The following PLOD2 variants were observed in gnomAD, a reference collection of about 807,000 sequenced individuals.
PLOD2 encodes lysine hydroxylase 2.
In PLOD2, 65 loss-of-function variants were observed where a neutral mutation model predicts 101.0. The ratio of observed to expected loss-of-function variants is 0.64; its 90% CI spans 0.53 to 0.79. The LOEUF is 0.79. Among genes scored for constraint, PLOD2 ranks in the 30% least tolerant of loss-of-function variants. The pLI is 0.00. For missense variants in PLOD2, 909 were observed against 914.6 expected, an observed-to-expected ratio of 0.99 and a Z score of 0.08; for synonymous variants, 314 against 302.9, an observed-to-expected ratio of 1.04 and a Z score of -0.38.
At chr3:146,131,848 G>A (rs1168889652) in intron 1 of PLOD2, among the ~76,000 whole-genome samples, 1 of 151,794 alleles carries the variant, frequency 6.6e-6, no homozygotes, top group East Asian at 1.9e-4. Flanking sequence ...TTGTTGAAGA[G>A]AATTAATTTT....
intron 3 of PLOD2, among the ~76,000 whole-genome samples, chr3:146,113,211 CAA>C (rs1457214872): frequency 1.3e-5 from 2 of 152,128 alleles, no homozygotes; most frequent in Non-Finnish European, 2.9e-5. Flanking sequence ...AAAGTTAAGA[CAA>C]AAGTTATCAC....
chr3:146,103,315 A>G (rs886071189), intron 6 of PLOD2, among the ~76,000 whole-genome samples: 1 of 152,224 alleles, frequency 6.6e-6, no homozygotes, highest in Non-Finnish European at 1.5e-5. Flanking sequence ...CAAGGGTTCT[A>G]CAATTGGCTA....
intron 3 of PLOD2, among the ~76,000 whole-genome samples, chr3:146,115,156 TA>T (rs1326837981): frequency 2.0e-5 from 3 of 152,058 alleles, no homozygotes; most frequent in African/African-American, 7.2e-5. Context: ...GGCCAACACT[TA>T]GGGAAATAGG....
chr3:146,101,489 A>C (rs1212675687), intron 7 of PLOD2, among the ~76,000 whole-genome samples: 2 of 152,236 alleles, frequency 1.3e-5, no homozygotes, highest in Non-Finnish European at 1.5e-5. Flanking sequence ...ACCAAACGAA[A>C]TCAATGAATT....
chr3:146,088,569 A>T lies in PLOD2; in HGVS notation c.1005+17T>A. ...AAAATAGTTTTGACATAAAATATTC[A>T]TTTCTCAAATACTTACTTTGTTATG... On this transcript the variant is annotated intron_variant, in intron 9 of 19. Transcript: ENST00000282903. 1.3e-6 allele frequency: 2 copies of T among 1,503,936 alleles called. No individual in the cohort carries two copies. Among genetic ancestry groups the T allele is most frequent in the South Asian group, 2.3e-5 (2 of 87,438 alleles). 93.2% of individuals were successfully genotyped at this position (1,503,936 alleles called of 1,614,324 possible).
At chr3:146,131,864 G>T (rs2030931530) in intron 1 of PLOD2, among the ~76,000 whole-genome samples, 1 of 151,880 alleles carries the variant, frequency 6.6e-6, no homozygotes, top group Non-Finnish European at 1.5e-5. Flanking sequence ...ATTTTATTTT[G>T]CAGAACTGTT....
At position 146,071,440 on chromosome 3, in the gene PLOD2, T is replaced by G. The variant is rs778200711; in HGVS notation, c.1849-17A>C. On this transcript the variant is annotated splice_polypyrimidine_tract_variant and intron_variant, in intron 17 of 19. Coordinates refer to ENST00000282903, the MANE Select transcript of PLOD2 (RefSeq NM_182943.3). ...ACGGCTATCCTAGAAACAACATTAA[T>G]GACATAATAAGCTGTACTCCACGTG... 59 of 1,609,936 alleles carry G rather than the reference T, an allele frequency of 3.7e-5. No homozygotes were observed. The highest frequency in any genetic ancestry group is 1.3e-4 in the Admixed American group (8 of 59,716).
chr3:146,142,146 T>G (rs1452306824), intron 1 of PLOD2, among the ~76,000 whole-genome samples: 1 of 152,212 alleles, frequency 6.6e-6, no homozygotes, highest in African/African-American at 2.4e-5. Context: ...AAAGTATTTA[T>G]CCCTTGAAAG....
chr3:146,132,256 C>T (rs2030958895), intron 1 of PLOD2, among the ~76,000 whole-genome samples: 1 of 152,050 alleles, frequency 6.6e-6, no homozygotes, highest in African/African-American at 2.4e-5. Context: ...CTGGAAAAGT[C>T]CTAGGCAAAC....
chr3:146,076,617 T>C (rs1021851498), intron 15 of PLOD2, 165 bp downstream of exon 15: 15 of 484,030 alleles, frequency 3.1e-5, no homozygotes, highest in Non-Finnish European at 5.2e-5. Flanking sequence ...TTTTTAATAA[T>C]AGCCATTCTG....
chr3:146,155,304 A>G (rs1257847015), intron 1 of PLOD2, among the ~76,000 whole-genome samples: 49 of 149,988 alleles, frequency 3.3e-4, no homozygotes, highest in Non-Finnish European at 1.0e-4. Flanking sequence ...AGCCTGACCT[A>G]CAGAGTGAGA....
chr3:146,078,368 GA>G (rs536785302), intron 13 of PLOD2, among the ~76,000 whole-genome samples: 81 of 151,780 alleles, frequency 5.3e-4, no homozygotes, highest in African/African-American at 1.8e-3. Flanking sequence ...GTTAAACTAA[GA>G]AAAAAATACT....
intron 3 of PLOD2, 77 bp downstream of exon 3, chr3:146,121,034 TC>T (rs1294964300): frequency 6.0e-6 from 7 of 1,175,010 alleles, no homozygotes; most frequent in Non-Finnish European, 8.8e-6. Context: ...TTTTAATACA[TC>T]ATCTACAAAT....
intron 1 of PLOD2, among the ~76,000 whole-genome samples, chr3:146,152,819 A>G (rs972002311): frequency 6.6e-6 from 1 of 152,230 alleles, no homozygotes; most frequent in Non-Finnish European, 1.5e-5. Context: ...GAGAAGAGTA[A>G]GAACTCTGAA....
rs1440421706 is a variant in PLOD2, at chr3:146,070,698, T to G, written c.*19A>C. 2 of 1,550,878 alleles carry G rather than the reference T, an allele frequency of 1.3e-6. No individual in the cohort carries two copies. Among genetic ancestry groups the G allele is most frequent in the Non-Finnish European group, 1.8e-6 (2 of 1,126,182 alleles). On this transcript the variant is annotated 3_prime_UTR_variant, in exon 20 of 20. Transcript: ENST00000282903. ...TCATTCATCCAAAATAAATTTCAATTCAATGAAAAGTAAATAACTTAGGGA... is the reference window on the plus strand; with the variant it reads ...TCATTCATCCAAAATAAATTTCAATGCAATGAAAAGTAAATAACTTAGGGA...
At chr3:146,098,583 G>A (rs1288347504) in intron 7 of PLOD2, among the ~76,000 whole-genome samples, 2 of 152,046 alleles carry the variant, frequency 1.3e-5, no homozygotes, top group East Asian at 3.8e-4. Flanking sequence ...TGGGAGGGCA[G>A]TATAAATGAT....
intron 15 of PLOD2, among the ~76,000 whole-genome samples, chr3:146,074,313 G>A (rs1936254695): frequency 6.6e-6 from 1 of 151,478 alleles, no homozygotes; most frequent in African/African-American, 2.4e-5. Flanking sequence ...CAAATACAGA[G>A]AGCCAGCAGG....
chr3:146,112,027 G>A (rs772049915), intron 3 of PLOD2, among the ~76,000 whole-genome samples: 2 of 152,142 alleles, frequency 1.3e-5, no homozygotes, highest in East Asian at 1.9e-4. Context: ...AGCATCTTAC[G>A]ATTGGAGACT....
intron 1 of PLOD2, among the ~76,000 whole-genome samples, chr3:146,151,962 T>C: frequency 6.6e-6 from 1 of 152,238 alleles, no homozygotes; most frequent in Non-Finnish European, 1.5e-5. Flanking sequence ...ATGCTGTTAG[T>C]TACCTCTAAA....
Sources: gnomAD v4.1 joint callset for allele counts (sites outside exome capture counted in the v4.1 genomes callset) on GRCh38, gnomAD v4.1.1 for gene constraint, MANE v1.5 for transcripts, NCBI Gene and HGNC (gene_info 2026-07-23, HGNC 2026-07-21) for gene names.